The following ZNF536 variants were observed in gnomAD, a reference collection of about 807,000 sequenced individuals.
The protein encoded by ZNF536 is zinc finger protein 536.
In ZNF536, 13 loss-of-function variants were observed where a neutral mutation model predicts 84.5. The ratio of observed to expected loss-of-function variants is 0.15; its 90% CI spans 0.10 to 0.24. The LOEUF is 0.24. Among genes scored for constraint, ZNF536 ranks in the 10% least tolerant of loss-of-function variants. The pLI is 1.00. For missense variants in ZNF536, 1,536 were observed against 1,747.5 expected, an observed-to-expected ratio of 0.88 and a Z score of 2.16; for synonymous variants, 811 against 742.5, an observed-to-expected ratio of 1.09 and a Z score of -1.50.
chr19:30,557,591 G>A lies in ZNF536; in HGVS notation c.*427G>A, dbSNP rs1431595260. Reference sequence around the variant, plus strand: ...AGTGGTCTCGTGGGTATTACTGCTTGTGTCTGATTGTCCTGTATTTTGTAA... The same window carrying A: ...AGTGGTCTCGTGGGTATTACTGCTTATGTCTGATTGTCCTGTATTTTGTAA... On this transcript the variant is annotated 3_prime_UTR_variant, in exon 5 of 5. Transcript: ENST00000355537. 1 of 159,586 alleles carries A rather than the reference G, an allele frequency of 6.3e-6. No individual in the cohort carries two copies. The allele number at this position is 159,586 out of a possible 1,614,324, so 9.9% of individuals were successfully genotyped here. A position where few individuals can be genotyped will look rare whatever the true frequency, so the allele number is the denominator to read the frequency against.
At chr19:30,318,348 C>A (rs1220226164) in intron 2 of ZNF536, among the ~76,000 whole-genome samples, 1 of 152,142 alleles carries the variant, frequency 6.6e-6, no homozygotes, top group Non-Finnish European at 1.5e-5. Flanking sequence ...TATCCAAGAA[C>A]AAGGAAGGAA....
chr19:30,452,203 T>G (rs1232490827), intron 2 of ZNF536, among the ~76,000 whole-genome samples: 1 of 152,234 alleles, frequency 6.6e-6, no homozygotes, highest in East Asian at 1.9e-4. Flanking sequence ...CACTGTGTTA[T>G]GTGAGCCCTG....
At chr19:30,281,080 C>T (rs1378965866) in intron 1 of ZNF536, among the ~76,000 whole-genome samples, 4 of 152,228 alleles carry the variant, frequency 2.6e-5, no homozygotes, top group Admixed American at 1.3e-4. Flanking sequence ...TCCACTTCCT[C>T]GCTTGGTTGG....
intron 2 of ZNF536, among the ~76,000 whole-genome samples, chr19:30,477,451 A>G (rs1160552236): frequency 6.6e-6 from 1 of 152,186 alleles, no homozygotes; most frequent in Non-Finnish European, 1.5e-5. Flanking sequence ...ACATGCATGC[A>G]TTTTATGAAA....
chr19:30,536,464 G>C (rs931891413), intron 3 of ZNF536, among the ~76,000 whole-genome samples: 13 of 152,048 alleles, frequency 8.5e-5, no homozygotes, highest in African/African-American at 3.1e-4. Flanking sequence ...TCGCTTATTT[G>C]TCTCCCACCA....
intron 2 of ZNF536, among the ~76,000 whole-genome samples, chr19:30,315,848 T>TGACATTGAA (rs1177123678): frequency 6.6e-6 from 1 of 152,156 alleles, no homozygotes; most frequent in African/African-American, 2.4e-5. Context: ...TACATAAAAT[T>TGACATTGAA]GACATTGAAG....
intron 1 of ZNF536, among the ~76,000 whole-genome samples, chr19:30,634,521 A>G (rs1015793506): frequency 6.6e-6 from 1 of 152,114 alleles, no homozygotes; most frequent in African/African-American, 2.4e-5. Flanking sequence ...CCTGGGTACC[A>G]GCCAGGGTCC....
intron 2 of ZNF536, among the ~76,000 whole-genome samples, chr19:30,331,638 C>T (rs2047215148): frequency 6.6e-6 from 1 of 151,934 alleles, no homozygotes; most frequent in African/African-American, 2.4e-5. Context: ...AACTTTTCTT[C>T]CACTTGACCT....
chr19:30,434,043 G>A (rs2051599678), intron 1 of ZNF536, among the ~76,000 whole-genome samples: 1 of 151,812 alleles, frequency 6.6e-6, no homozygotes, highest in Non-Finnish European at 1.5e-5. Flanking sequence ...GAGCGATAAA[G>A]AAACTGAGGC....
intron 2 of ZNF536, among the ~76,000 whole-genome samples, chr19:30,490,767 G>A (rs567184669): frequency 3.0e-4 from 46 of 152,308 alleles, no homozygotes; most frequent in African/African-American, 5.3e-4. Context: ...GATTGCCCAC[G>A]AAAGAGTTTA....
intron 1 of ZNF536, among the ~76,000 whole-genome samples, chr19:30,392,023 G>A (rs1293610591): frequency 6.6e-6 from 1 of 152,138 alleles, no homozygotes; most frequent in Non-Finnish European, 1.5e-5. Flanking sequence ...GACCGATGAA[G>A]CAAGTGTGCA....
intron 1 of ZNF536, among the ~76,000 whole-genome samples, chr19:30,705,457 T>C (rs908585704): frequency 6.6e-6 from 1 of 152,170 alleles, no homozygotes; most frequent in Non-Finnish European, 1.5e-5. Context: ...ACAGTCTTTG[T>C]AATAAGTTTA....
intron 1 of ZNF536, among the ~76,000 whole-genome samples, chr19:30,376,050 T>C (rs530048729): frequency 3.2e-4 from 49 of 152,248 alleles, no homozygotes; most frequent in Middle Eastern, 3.4e-3. Context: ...GCCCACTCCA[T>C]GTGAGTGTAT....
chr19:30,433,489 G>C (rs1460694871), intron 1 of ZNF536, among the ~76,000 whole-genome samples: 3 of 151,852 alleles, frequency 2.0e-5, no homozygotes, highest in Admixed American at 2.0e-4. Context: ...AGGAGCATTT[G>C]TTTGTTTGTT....
rs190888842 is a variant in ZNF536 at position 30,627,040 on chromosome 19, C to T, written c.169+77526C>T. ...TACTGGGCTCTGGAGGGTGGGGGCT[C>T]AATGACCTCTTTCATCTTGACAGGG... On this transcript the variant is annotated intron_variant, in intron 1 of 1. Coordinates refer to the ZNF536 transcript ENST00000592773. 6.6e-4 allele frequency among the ~76,000 whole-genome samples: 101 copies of T among 152,226 alleles called. 1 individual carries two copies. The highest frequency in any genetic ancestry group is 2.3e-3 in the African/African-American group (97 of 41,536).
chr19:30,512,731 G>A (rs1193015581), intron 2 of ZNF536, among the ~76,000 whole-genome samples: 1 of 152,136 alleles, frequency 6.6e-6, no homozygotes, highest in East Asian at 1.9e-4. Context: ...AGTAGTTCTT[G>A]TCAGGTAGTA....
chr19:30,363,123 G>T (rs914885656), intron 3 of ZNF536, among the ~76,000 whole-genome samples: 1 of 152,080 alleles, frequency 6.6e-6, no homozygotes, highest in Non-Finnish European at 1.5e-5. Context: ...CGTGGCTCTC[G>T]TGCAGCAGGT....
intron 1 of ZNF536, among the ~76,000 whole-genome samples, chr19:30,701,871 G>C (rs2051999552): frequency 6.6e-6 from 1 of 152,194 alleles, no homozygotes; most frequent in Non-Finnish European, 1.5e-5. Context: ...CAGTCATGAG[G>C]ACCAACTGAG....
chr19:30,236,155 G>A (rs569045131), intron 1 of ZNF536, among the ~76,000 whole-genome samples: 4 of 152,326 alleles, frequency 2.6e-5, no homozygotes, highest in East Asian at 1.9e-4. Flanking sequence ...TTTAATCTGC[G>A]CAGCCGAAAC....
Sources: gnomAD v4.1 joint callset for allele counts (sites outside exome capture counted in the v4.1 genomes callset) on GRCh38, gnomAD v4.1.1 for gene constraint, MANE v1.5 for transcripts, NCBI Gene and HGNC (gene_info 2026-07-23, HGNC 2026-07-21) for gene names.